CAMK1D: variants seen among roughly 807,000 people sequenced by gnomAD.
The protein encoded by CAMK1D is calcium/calmodulin dependent protein kinase ID, also known as calcium/calmodulin-dependent protein kinase type 1D.
CAMK1D carries 9 observed loss-of-function variants against 47.7 expected under a neutral mutation model. The ratio of observed to expected loss-of-function variants is 0.19; its 90% CI spans 0.11 to 0.33. The LOEUF (loss-of-function observed/expected upper bound fraction) is 0.33, where lower values mean the gene tolerates loss of function less well. Ranked by LOEUF, CAMK1D falls within the 10% of genes least tolerant of loss-of-function variation. The pLI is 1.00. For synonymous variants in CAMK1D, 184 were observed against 184.9 expected (o/e 0.99, Z 0.04); for missense variants, 291 against 488.7 (o/e 0.60, Z 3.81).
intron 2 of CAMK1D, among the ~76,000 whole-genome samples, chr10:12,627,906 C>T (rs1008019188): frequency 3.3e-5 from 5 of 152,012 alleles, no homozygotes; most frequent in South Asian, 2.1e-4. Context: ...GGTGAAACCC[C>T]CTCTCTACTA....
intron 1 of CAMK1D, among the ~76,000 whole-genome samples, chr10:12,387,972 C>T (rs7088176): frequency 0.8 from 121,332 of 152,038 alleles, 50,736 homozygotes; most frequent in East Asian, 0.93. Flanking sequence ...ATGGAGCCCA[C>T]TGTGGGAGGG....
chr10:12,499,145 T>C (rs963446432), intron 1 of CAMK1D, among the ~76,000 whole-genome samples: 1 of 151,068 alleles, frequency 6.6e-6, no homozygotes, highest in African/African-American at 2.4e-5. Flanking sequence ...ATTAATGAGC[T>C]AGAAGCAAGA....
chr10:12,585,579 A>G (rs1837792082), intron 2 of CAMK1D, among the ~76,000 whole-genome samples: 1 of 152,210 alleles, frequency 6.6e-6, no homozygotes, highest in South Asian at 2.1e-4. Context: ...GAGAAGGTGA[A>G]TGGCACATCT....
chr10:12,757,929 G>A (rs570913998), intron 3 of CAMK1D, among the ~76,000 whole-genome samples: 6 of 134,368 alleles, frequency 4.5e-5, no homozygotes, highest in Non-Finnish European at 9.2e-5. Flanking sequence ...TCGGCTCACC[G>A]CAATCTCTGC....
At chr10:12,517,097 G>T (rs7091058) in intron 1 of CAMK1D, among the ~76,000 whole-genome samples, 79,631 of 151,854 alleles carry the variant, frequency 0.52, 21,020 homozygotes, top group South Asian at 0.68. Context: ...CTGTATGTAC[G>T]TTGTTATAGT....
chr10:12,377,421 C>T (rs1205429427), intron 1 of CAMK1D, among the ~76,000 whole-genome samples: 1 of 152,166 alleles, frequency 6.6e-6, no homozygotes, highest in Admixed American at 6.6e-5. Context: ...GGATGTTGTC[C>T]TGGTCACTTA....
intron 2 of CAMK1D, among the ~76,000 whole-genome samples, chr10:12,641,801 T>C (rs901833003): frequency 6.6e-6 from 1 of 151,840 alleles, no homozygotes; most frequent in Admixed American, 6.6e-5. Context: ...TCCCAAAACT[T>C]TGGGAGGCCA....
intron 2 of CAMK1D, among the ~76,000 whole-genome samples, chr10:12,647,546 T>G (rs534825804): frequency 6.6e-6 from 1 of 152,326 alleles, no homozygotes; most frequent in Non-Finnish European, 1.5e-5. Context: ...TAAATATATA[T>G]ATACATATTT....
At chr10:12,358,426 G>T (rs1837575109) in intron 1 of CAMK1D, among the ~76,000 whole-genome samples, 1 of 152,120 alleles carries the variant, frequency 6.6e-6, no homozygotes, top group Non-Finnish European at 1.5e-5. Flanking sequence ...CCAGCTACTC[G>T]GGAGGCTGAG....
intron 1 of CAMK1D, among the ~76,000 whole-genome samples, chr10:12,395,065 ATTTTTTTT>A (rs5783265): frequency 0.043 from 4,082 of 94,936 alleles, 214 homozygotes; most frequent in African/African-American, 0.16. Context: ...TAAAATTTTA[ATTTTTTTT>A]TTTTTTTTTT....
chr10:12,707,456 G>A (rs1833766362), intron 3 of CAMK1D, among the ~76,000 whole-genome samples: 1 of 152,190 alleles, frequency 6.6e-6, no homozygotes, highest in South Asian at 2.1e-4. Context: ...AATTTAAAGT[G>A]TTTATTAAAA....
chr10:12,745,265 C>T (rs946530088), intron 3 of CAMK1D, among the ~76,000 whole-genome samples: 3 of 152,180 alleles, frequency 2.0e-5, no homozygotes, highest in Non-Finnish European at 4.4e-5. Context: ...TTCCTGATCT[C>T]GTGATCCGCC....
intron 2 of CAMK1D, among the ~76,000 whole-genome samples, chr10:12,647,657 G>A (rs1359000340): frequency 1.3e-5 from 2 of 152,198 alleles, no homozygotes; most frequent in African/African-American, 4.8e-5. Flanking sequence ...ACCTGGGTAA[G>A]AGGAACCCCT....
At chr10:12,587,542 C>T (rs1246257719) in intron 2 of CAMK1D, among the ~76,000 whole-genome samples, 1 of 81,814 alleles carries the variant, frequency 1.2e-5, no homozygotes, top group African/African-American at 4.1e-5. Context: ...GGGGTCCAGA[C>T]ATCATTAAAA....
intron 3 of CAMK1D, among the ~76,000 whole-genome samples, chr10:12,697,299 C>T (rs1297661445): frequency 6.6e-6 from 1 of 152,182 alleles, no homozygotes; most frequent in Non-Finnish European, 1.5e-5. Context: ...TTTTAACCTC[C>T]TGGCTTGTTA....
intron 3 of CAMK1D, among the ~76,000 whole-genome samples, chr10:12,703,879 A>G (rs147633704): frequency 2.0e-5 from 3 of 152,288 alleles, no homozygotes; most frequent in Non-Finnish European, 2.9e-5. Context: ...AAAAAAAAAA[A>G]AAAAAGACAA....
At chr10:12,440,684 A>G (rs557621198) in intron 1 of CAMK1D, among the ~76,000 whole-genome samples, 4 of 152,332 alleles carry the variant, frequency 2.6e-5, no homozygotes, top group African/African-American at 7.2e-5. Context: ...TTATACCTCA[A>G]TAAAGTATAT....
At chr10:12,751,054 AAGATAAGATAAGATAAGAT>A in intron 3 of CAMK1D, among the ~76,000 whole-genome samples, 1 of 250 alleles carries the variant, frequency 4.0e-3, no homozygotes, top group East Asian at 0.026. Flanking sequence ...CTCCCCCAAT[AAGATAAGATAAGATAAGAT>A]AAGATAAGAT....
At chr10:12,514,210 A>G (rs867818661) in intron 1 of CAMK1D, among the ~76,000 whole-genome samples, 46 of 152,206 alleles carry the variant, frequency 3.0e-4, no homozygotes, top group African/African-American at 1.1e-3. Flanking sequence ...TGCTTCCACT[A>G]TGAGGCAAGA....
Sources: gnomAD v4.1 joint callset for allele counts (sites outside exome capture counted in the v4.1 genomes callset) on GRCh38, gnomAD v4.1.1 for gene constraint, MANE v1.5 for transcripts, NCBI Gene and HGNC (gene_info 2026-07-23, HGNC 2026-07-21) for gene names.